The following PGAP2 variants were observed in gnomAD, a reference collection of about 807,000 sequenced individuals.
PGAP2 encodes acyltransferase PGAP2.
In PGAP2, 21 loss-of-function variants were observed where a neutral mutation model predicts 33.2. The observed-to-expected ratio is 0.63, with a 90% CI of 0.45 to 0.91. The LOEUF (loss-of-function observed/expected upper bound fraction) is 0.91. PGAP2 is among the 40% of genes least tolerant of loss of function. The pLI, the probability that PGAP2 is intolerant of heterozygous loss-of-function variation, is 0.00. For synonymous variants in PGAP2, 161 were observed against 172.9 expected (o/e 0.93, Z 0.54); for missense variants, 345 against 424.0 (o/e 0.81, Z 1.64).
chr11:3,803,769 T>C (rs1203158772), upstream of PGAP2, among the ~76,000 whole-genome samples: 1 of 148,372 alleles, frequency 6.7e-6, no homozygotes, highest in African/African-American at 2.5e-5. Context: ...CTAATGCATT[T>C]AACGAATTTA....
chr11:3,821,467 C>A (rs934333596), intron 3 of PGAP2, among the ~76,000 whole-genome samples: 3 of 152,194 alleles, frequency 2.0e-5, no homozygotes, highest in Non-Finnish European at 4.4e-5. Context: ...TTTTAAAAAT[C>A]CATATTCTTG....
rs534453883 is a variant in PGAP2, at chr11:3,824,184, G to A, written c.601+49G>A. On this transcript the variant is annotated intron_variant, in intron 4 of 6. Coordinates refer to ENST00000278243, the MANE Select transcript of PGAP2 (RefSeq NM_014489.4). ...GTGGGGAAGTGTTCCCTGAGGGGACGGGCCTGCCCCTACCACATTCGGACC... is the reference window on the plus strand; with the variant it reads ...GTGGGGAAGTGTTCCCTGAGGGGACAGGCCTGCCCCTACCACATTCGGACC... 16 of 1,611,982 alleles carry A rather than the reference G, an allele frequency of 9.9e-6. 1 individual carries two copies. Among genetic ancestry groups the A allele is most frequent in the South Asian group, 8.8e-5 (8 of 91,022 alleles).
chr11:3,824,094 C>A lies in PGAP2; in HGVS notation c.560C>A (p.Ala187Glu). ...GGCCTCAATGTCGTGGAGAACCTCG[C>A]GTTGCTAGTGCTCACTTATGTCTCC... is the stretch of plus-strand genomic sequence containing the variant. ...NFGLNVVENLALLVLTYVSSS... is the reference protein window; with the variant it reads ...NFGLNVVENLELLVLTYVSSS... Residue 187 changes from alanine to glutamate, a missense_variant, in exon 4 of 7, where the codon GCG (alanine) becomes GAG (glutamate). Coordinates refer to ENST00000278243, the MANE Select transcript of PGAP2 (RefSeq NM_014489.4). 6.2e-7 allele frequency: 1 copy of A among 1,614,188 alleles called. No homozygotes were observed.
intron 3 of PGAP2, chr11:3,818,052 C>CAAA: frequency 1.2e-4 from 16 of 131,938 alleles, no homozygotes; most frequent in Admixed American, 1.9e-4. Flanking sequence ...GTCTCAAAAA[C>CAAA]AAAACAAAAT....
intron 3 of PGAP2, among the ~76,000 whole-genome samples, chr11:3,822,343 G>A (rs998276148): frequency 5.3e-5 from 8 of 151,870 alleles, no homozygotes; most frequent in East Asian, 1.9e-4. Flanking sequence ...CAGCCTAGGC[G>A]ACAGTGTGAG....
Position 3,811,337 on chromosome 11 carries a change from G to A in PGAP2, c.78G>A (p.Thr26=), listed in dbSNP as rs543622009. The A allele has an allele frequency of 1.9e-5, 30 of 1,613,952 alleles. No individual in the cohort carries two copies. The highest frequency in any genetic ancestry group is 3.3e-4 in the Middle Eastern group (2 of 6,082). Residue 26 remains threonine, a synonymous_variant, in exon 2 of 7, where the codon ACG becomes ACA. Coordinates refer to ENST00000278243, the MANE Select transcript of PGAP2 (RefSeq NM_014489.4). The surrounding 1 kb of genome is among the most constrained non-coding windows in gnomAD (Gnocchi z 4.6). ...GCTTCACCATGGTGGCCCTGGTCAC[G>A]GTCTGCTGTCCACTTGTCGCCTTCC... ...RLRFTMVALV[T]VCCPLVAFLF... is the part of the protein sequence containing the mutation.
chr11:3,814,446 G>A lies in PGAP2; in HGVS notation c.166-2907G>A, dbSNP rs527659995. Reference sequence around the variant, plus strand: ...TAATTTTTGTATTTTTGGTATTGACGGGGTTTCGTCATGTTGGCCAGGCTC... The same window carrying A: ...TAATTTTTGTATTTTTGGTATTGACAGGGTTTCGTCATGTTGGCCAGGCTC... On this transcript the variant is annotated intron_variant, in intron 2 of 6. Transcript: ENST00000278243. Among the ~76,000 whole-genome samples the A allele has an allele frequency of 9.9e-5, 15 of 152,132 alleles. No individual in the cohort carries two copies. The East Asian group carries it at 2.1e-3, about 22-fold the overall frequency.
chr11:3,823,955 T>A lies in PGAP2; in HGVS notation c.421T>A (p.Cys141Ser), dbSNP rs143536266. 9 of 1,609,574 alleles carry A rather than the reference T, an allele frequency of 5.6e-6. No individual in the cohort carries two copies. The African/African-American group carries it at 1.1e-4, about 19-fold the overall frequency. Reference sequence around the variant, plus strand: ...GCCCCAGCGCTACGTGTGGCGTTTCTGCATCGGCCTGCACTCGGCGCCTCG... The same window carrying A: ...GCCCCAGCGCTACGTGTGGCGTTTCAGCATCGGCCTGCACTCGGCGCCTCG... ...EVPQRYVWRF[C>S]IGLHSAPRFL... The change falls in exon 4 of 7, where the codon TGC becomes AGC. Residue 141 changes from cysteine (C) to serine (S), a missense_variant. By Grantham distance (112) the Cys-to-Ser change is moderately radical. Coordinates refer to ENST00000278243, the MANE Select transcript of PGAP2 (RefSeq NM_014489.4).
At chr11:3,802,974 CT>C (rs2083693078) in intron 1 of PGAP2, among the ~76,000 whole-genome samples, 1 of 145,712 alleles carries the variant, frequency 6.9e-6, no homozygotes. Context: ...CTACAGGCGC[CT>C]GCCACCACAC....
At chr11:3,822,820 T>G (rs775298946) in intron 3 of PGAP2, 1 of 702,568 alleles carries the variant, frequency 1.4e-6, no homozygotes, top group Non-Finnish European at 2.4e-6. Flanking sequence ...ATCTAAACCC[T>G]TGTTCAGTCA....
upstream of PGAP2, chr11:3,808,301 G>C: frequency 6.4e-7 from 1 of 1,551,548 alleles, no homozygotes; most frequent in South Asian, 1.2e-5. Flanking sequence ...CAGGTAGATG[G>C]AACGCAGCTG....
intron 1 of PGAP2, among the ~76,000 whole-genome samples, chr11:3,803,015 A>G (rs2083713159): frequency 1.4e-5 from 2 of 144,324 alleles, no homozygotes; most frequent in Admixed American, 6.9e-5. Flanking sequence ...TCTTTTGGAG[A>G]CAGAGTCTCA....
At chr11:3,823,190 C>A (rs964818153) in intron 3 of PGAP2, among the ~76,000 whole-genome samples, 4 of 151,742 alleles carry the variant, frequency 2.6e-5, no homozygotes, top group African/African-American at 9.7e-5. Context: ...CGCTGGCCAC[C>A]ACGCCTGGCT....
chr11:3,802,526 A>C (rs1211232065), intron 1 of PGAP2, among the ~76,000 whole-genome samples: 1 of 152,182 alleles, frequency 6.6e-6, no homozygotes, highest in East Asian at 1.9e-4. Context: ...ACAGCTCAAC[A>C]CTATTCTGGC....
In PGAP2 at chr11:3,825,937, G is replaced by C. The variant is rs987109194; in HGVS notation, c.*479G>C. 63 of 161,728 alleles carry C rather than the reference G, an allele frequency of 3.9e-4. No individual in the cohort carries two copies. Among genetic ancestry groups the C allele is most frequent in the African/African-American group, 1.5e-3 (61 of 41,688 alleles). 10.0% of individuals were successfully genotyped at this position (161,728 alleles called of 1,614,324 possible). On this transcript the variant is annotated 3_prime_UTR_variant, in exon 7 of 7. Coordinates refer to ENST00000278243, the MANE Select transcript of PGAP2 (RefSeq NM_014489.4). The stretch of plus-strand genomic sequence containing the variant: ...CACAGTCCCCTGCTAAAGTTGCTCA[G>C]GTGTTCTAGTCCTGACTTCACCTTT...
intron 5 of PGAP2, 89 bp downstream of exon 5, chr11:3,824,465 G>T: frequency 6.2e-7 from 1 of 1,604,056 alleles, no homozygotes; most frequent in Non-Finnish European, 8.5e-7. Flanking sequence ...GGTGAGGTGG[G>T]AACTGAGTTC....
Position 3,824,125 on chromosome 11 carries a change from C to T in PGAP2, c.591C>T (p.Ser197=), listed in dbSNP as rs377633814. The part of the protein sequence containing the change: ...ALLVLTYVSS[S]EDFTIHENAF... ...TAGTGCTCACTTATGTCTCCTCCTC[C>T]GAGGACTTCAGTGGGTGCCTGGATG... is the stretch of plus-strand genomic sequence containing the variant. The change falls in exon 4 of 7, where the codon TCC becomes TCT. Residue 197 remains serine (S), a synonymous_variant. Transcript: ENST00000278243. The T allele has an allele frequency of 1.3e-5, 21 of 1,613,876 alleles. No homozygotes were observed. Among genetic ancestry groups the T allele is most frequent in the African/African-American group, 9.3e-5 (7 of 74,898 alleles).
chr11:3,808,439 C>T (rs1368000440), upstream of PGAP2: 6 of 1,522,230 alleles, frequency 3.9e-6, no homozygotes, highest in African/African-American at 1.4e-5. Context: ...TTTGAGGACA[C>T]GCCAGATTGA....
In PGAP2 at chr11:3,817,497, G is replaced by A; in HGVS notation, c.310G>A (p.Val104Met). The part of the protein sequence containing the change: ...GFFFCIIWSL[V>M]FHFEYTVATD... ...CTTCTTCTGCATCATCTGGTCCCTG[G>A]TGTTCCACTTTGAGTACACGGTGGC... Residue 104 changes from valine (V) to methionine (M), a missense_variant, in exon 3 of 7, where the codon GTG (valine) becomes ATG (methionine). Val to Met is a conservative substitution (Grantham distance 21). Around this residue, in one of 2 missense-constraint regions of PGAP2, gnomAD observed 311 missense variants for 353.6 expected, o/e 0.88. Transcript: ENST00000278243. 7 of 1,614,168 alleles carry A rather than the reference G, an allele frequency of 4.3e-6. No homozygotes were observed. The highest frequency in any genetic ancestry group is 5.9e-6 in the Non-Finnish European group (7 of 1,180,036).
Sources: allele counts gnomAD v4.1 joint callset (sites outside exome capture counted in the v4.1 genomes callset), GRCh38; gene constraint gnomAD v4.1.1; regional missense constraint gnomAD v4.1.1; non-coding constraint Gnocchi (gnomAD v3.1); transcripts MANE v1.5; gene names NCBI Gene and HGNC (gene_info 2026-07-23, HGNC 2026-07-21).